COBLL1: variants seen among roughly 807,000 people sequenced by gnomAD.
The protein encoded by COBLL1 is cordon-bleu protein-like 1.
A neutral mutation model predicts 94.8 loss-of-function variants in COBLL1; 50 were observed. The observed-to-expected ratio is 0.53, with a 90% confidence interval of 0.42 to 0.67. COBLL1 has a LOEUF of 0.67. Ranked by LOEUF, COBLL1 falls within the 30% of genes least tolerant of loss-of-function variation. COBLL1 has a pLI of 0.00. For missense variants in COBLL1, 1,362 were observed against 1,348.7 expected (o/e 1.01, Z -0.15); for synonymous variants, 448 against 473.8 (o/e 0.95, Z 0.71).
chr2:164,698,070 T>C (rs149434869), intron 11 of COBLL1: 1 of 152,144 alleles, frequency 6.6e-6, no homozygotes, highest in Non-Finnish European at 1.5e-5. Flanking sequence ...AAACAAACCA[T>C]ATGCAAATCA....
At chr2:164,663,112 ATTTTG>A (rs1457498307) in intron 2 of COBLL1, among the ~76,000 whole-genome samples, 2 of 152,000 alleles carry the variant, frequency 1.3e-5, no homozygotes, top group African/African-American at 2.4e-5. Context: ...TCTAATTTCC[ATTTTG>A]TTTTGTTTTA....
rs1683088706 is a variant in COBLL1 at position 164,682,621 on chromosome 2, A to G, written c.*3325T>C. On this transcript the variant is annotated 3_prime_UTR_variant, in exon 14 of 14. Coordinates refer to ENST00000652658, the MANE Select transcript of COBLL1 (RefSeq NM_001365672.2). ...TCGGAAGAAGGGTCACTCCTCAAAG[A>G]ATAGGGAGTATATTAGGCAAATAAT... is the stretch of plus-strand genomic sequence containing the variant. 1 of 152,228 alleles carries G rather than the reference A, an allele frequency of 6.6e-6. No homozygotes were observed. The highest frequency in any genetic ancestry group is 2.1e-4 in the South Asian group (1 of 4,834). 9.4% of individuals were successfully genotyped at this position (152,228 alleles called of 1,614,324 possible).
intron 4 of COBLL1, 145 bp from the exon 5 acceptor site, chr2:164,728,342 G>T: frequency 3.4e-6 from 2 of 583,948 alleles, no homozygotes; most frequent in Non-Finnish European, 6.0e-6. Flanking sequence ...TTCTCTTTTT[G>T]ATTAATGTTA....
At chr2:164,662,738 C>A (rs1691091329) in intron 2 of COBLL1, among the ~76,000 whole-genome samples, 1 of 152,082 alleles carries the variant, frequency 6.6e-6, no homozygotes, top group African/African-American at 2.4e-5. Context: ...CTTGGGAGAT[C>A]TGGTTGACTA....
chr2:164,788,161 C>T (rs1416929843), intron 2 of COBLL1, among the ~76,000 whole-genome samples: 1 of 152,166 alleles, frequency 6.6e-6, no homozygotes, highest in African/African-American at 2.4e-5. Flanking sequence ...CTGACCAAAA[C>T]CCAAGCCCAG....
At chr2:164,760,468 T>G (rs539192985) in intron 2 of COBLL1, among the ~76,000 whole-genome samples, 187 of 152,060 alleles carry the variant, frequency 1.2e-3, no homozygotes, top group South Asian at 2.9e-3. Flanking sequence ...TAAAGAATGG[T>G]GCAGTTACAT....
At chr2:164,831,214 C>T (rs551673075) in intron 2 of COBLL1, among the ~76,000 whole-genome samples, 2 of 151,834 alleles carry the variant, frequency 1.3e-5, no homozygotes, top group African/African-American at 2.4e-5. Flanking sequence ...CCCAGCTACT[C>T]GGAAGGTTGA....
chr2:164,721,187 C>T (rs1685424816), intron 7 of COBLL1, among the ~76,000 whole-genome samples: 1 of 152,058 alleles, frequency 6.6e-6, no homozygotes, highest in South Asian at 2.1e-4. Flanking sequence ...ATTTACTAAG[C>T]CCCCAAGGGG....
rs937677910 is a variant in COBLL1 at position 164,770,697 on chromosome 2, G to A, written c.42-26822C>T. On this transcript the variant is annotated intron_variant, in intron 2 of 13. Coordinates refer to ENST00000652658, the MANE Select transcript of COBLL1 (RefSeq NM_001365672.2). The stretch of plus-strand genomic sequence containing the variant: ...GGAAATGACAAAGAAATATACAGTA[G>A]TCTCATTTATACAAACTTTCCCTGA... Among the ~76,000 whole-genome samples the A allele has an allele frequency of 2.0e-5, 3 of 152,106 alleles. No homozygotes were observed. The East Asian group carries it at 5.8e-4, about 29-fold the overall frequency.
chr2:164,810,336 A>G (rs1684402812), intron 2 of COBLL1, among the ~76,000 whole-genome samples: 1 of 151,618 alleles, frequency 6.6e-6, no homozygotes, highest in Non-Finnish European at 1.5e-5. Context: ...ATTTATCAGA[A>G]AATTTATTTT....
intron 2 of COBLL1, among the ~76,000 whole-genome samples, chr2:164,808,359 C>T (rs1038655764): frequency 3.3e-5 from 5 of 152,104 alleles, no homozygotes; most frequent in African/African-American, 4.8e-5. Context: ...TATAGAGGCC[C>T]TCATGGTAAG....
chr2:164,762,987 C>T (rs1364584316), intron 2 of COBLL1, among the ~76,000 whole-genome samples: 1 of 152,216 alleles, frequency 6.6e-6, no homozygotes, highest in Non-Finnish European at 1.5e-5. Context: ...AGAGCCACTG[C>T]GCCTGCCCGC....
At position 164,708,845 on chromosome 2, in the gene COBLL1, T is replaced by C. The variant is rs1204641283; in HGVS notation, c.997-3740A>G. Among the ~76,000 whole-genome samples the C allele has an allele frequency of 2.0e-5, 3 of 152,328 alleles. No individual in the cohort carries two copies. The East Asian group carries it at 5.8e-4, about 29-fold the overall frequency. The stretch of plus-strand genomic sequence containing the variant: ...TGTTTCCCTTGTTTCAACTGATTGC[T>C]TTCATGAGGTGTATAATAAAAATGT... On this transcript the variant is annotated intron_variant, in intron 7 of 13. Transcript: ENST00000652658.
chr2:164,756,056 TGA>T (rs145182355), intron 2 of COBLL1, among the ~76,000 whole-genome samples: 8 of 144,090 alleles, frequency 5.6e-5, no homozygotes, highest in Admixed American at 7.0e-5. Flanking sequence ...TATGGCAGCA[TGA>T]GAGAGAGAGA....
Position 164,686,018 on chromosome 2 carries a change from TG to T in COBLL1, c.3314del (p.Ser1105Ter), listed in dbSNP as rs3841875. Reference protein sequence around the residue: ...AAKLKRVTIPSNTISVNGRSR... With the variant: ...AAKLKRVTIPXNTISVNGRSR... ...ACCTTCCATTCACAGATATTGTATT[TG>T]ATGGAATGGTAACCTAAGAGAAAGA... On this transcript the variant is annotated frameshift_variant, in exon 14 of 14. Transcript: ENST00000652658. LOFTEE classifies it high-confidence loss of function. 295 of 1,597,528 alleles carry T rather than the reference TG, an allele frequency of 1.8e-4. No homozygotes were observed. The East Asian group carries it at 4.3e-3, about 23-fold the overall frequency.
Position 164,730,164 on chromosome 2 carries a change from T to C in COBLL1, c.231-49A>G, listed in dbSNP as rs761343252. Reference sequence around the variant, plus strand: ...ACCCGTTATTGTTTTGAGGATTTTCTTAGAATGCTTGTCTTCAATAGATAA... The same window carrying C: ...ACCCGTTATTGTTTTGAGGATTTTCCTAGAATGCTTGTCTTCAATAGATAA... On this transcript the variant is annotated intron_variant, in intron 3 of 13. Coordinates refer to ENST00000652658, the MANE Select transcript of COBLL1 (RefSeq NM_001365672.2). The C allele has an allele frequency of 2.7e-6, 4 of 1,478,172 alleles. No homozygotes were observed. The South Asian group carries it at 4.6e-5, about 17-fold the overall frequency. The allele number at this position is 1,478,172 out of a possible 1,614,324, so 91.6% of individuals were successfully genotyped here.
chr2:164,722,460 T>G lies in COBLL1; in HGVS notation c.724A>C (p.Ser242Arg), dbSNP rs1282408201. 10 of 1,528,060 alleles carry G rather than the reference T, an allele frequency of 6.5e-6. No individual in the cohort carries two copies. The highest frequency in any genetic ancestry group is 8.8e-6 in the Non-Finnish European group (10 of 1,141,026). The allele number at this position is 1,528,060 out of a possible 1,614,324, so 94.7% of individuals were successfully genotyped here. The change falls in exon 6 of 14, where the codon AGT (serine) becomes CGT (arginine). Residue 242 changes from serine (S) to arginine (R), a missense_variant. Physicochemically the swap from Ser to Arg is moderately radical, Grantham distance 110. Transcript: ENST00000652658. ...TTTTTCTTACTGCGTTGAAAAAAAC[T>G]GAAAAACCCTTTATTTTCTTTCTCC... The part of the protein sequence containing the change: ...MKEKENKGFF[S>R]FFQRSKKKRD...
At chr2:164,733,319 CATTTT>C (rs200188928) in intron 3 of COBLL1, among the ~76,000 whole-genome samples, 10,654 of 152,084 alleles carry the variant, frequency 0.07, 528 homozygotes, top group South Asian at 0.13. Context: ...TTCCCTCAGT[CATTTT>C]ATTTATCTAG....
intron 7 of COBLL1, among the ~76,000 whole-genome samples, chr2:164,710,237 C>T (rs1358022803): frequency 2.0e-5 from 3 of 152,032 alleles, no homozygotes; most frequent in Non-Finnish European, 4.4e-5. Flanking sequence ...TGTTCTACAT[C>T]TACTAAAAAA....
Sources: gnomAD v4.1 joint callset for allele counts (sites outside exome capture counted in the v4.1 genomes callset) on GRCh38, gnomAD v4.1.1 for gene constraint, MANE v1.5 for transcripts, NCBI Gene and HGNC (gene_info 2026-07-23, HGNC 2026-07-21) for gene names.